The following SH3BGRL variants were observed in gnomAD, a reference collection of about 807,000 sequenced individuals.
The protein encoded by SH3BGRL is adapter SH3BGRL.
SH3BGRL carries 7 observed loss-of-function variants against 9.8 expected under a neutral mutation model. The observed-to-expected ratio is 0.72, with a 90% CI of 0.41 to 1.35. The LOEUF (loss-of-function observed/expected upper bound fraction) is 1.35, where lower values mean the gene tolerates loss of function less well. SH3BGRL is among the 40% of genes most tolerant of loss of function. The probability of loss-of-function intolerance (pLI) is 0.01; values close to 1 mark genes in which losing one functional copy is unlikely to be tolerated. For synonymous variants in SH3BGRL, 36 were observed against 29.1 expected, an observed-to-expected ratio of 1.24 and a Z score of -0.76; for missense variants, 73 against 84.4, an observed-to-expected ratio of 0.86 and a Z score of 0.53.
intron 1 of SH3BGRL, among the ~76,000 whole-genome samples, chrX:81,261,337 C>T: frequency 9.0e-6 from 1 of 111,277 alleles, no homozygotes; most frequent in East Asian, 2.8e-4. Context: ...ATGCAAAGTG[C>T]CTGCTATAGC....
At chrX:81,232,368 C>G (rs1306310735) in intron 1 of SH3BGRL, among the ~76,000 whole-genome samples, 1 of 106,585 alleles carries the variant, frequency 9.4e-6, no homozygotes, top group African/African-American at 3.5e-5. Flanking sequence ...AGTAACGGTT[C>G]AATAAATAAA....
intron 1 of SH3BGRL, among the ~76,000 whole-genome samples, chrX:81,221,643 T>C (rs1417639142): frequency 9.0e-6 from 1 of 111,665 alleles, no homozygotes; most frequent in East Asian, 2.8e-4. Context: ...TAAGAATCCA[T>C]TTGGGCCCTG....
At chrX:81,207,688 C>T (rs2075551457) in intron 1 of SH3BGRL, among the ~76,000 whole-genome samples, 1 of 112,169 alleles carries the variant, frequency 8.9e-6, no homozygotes, top group Non-Finnish European at 1.9e-5. Context: ...AAATTAGAAA[C>T]TGTTCACCAA....
chrX:81,221,876 T>C (rs1466529309), intron 1 of SH3BGRL, among the ~76,000 whole-genome samples: 1 of 112,293 alleles, frequency 8.9e-6, no homozygotes, highest in Non-Finnish European at 1.9e-5. Flanking sequence ...GTATAGAAAT[T>C]GACTTTTAGT....
intron 1 of SH3BGRL, among the ~76,000 whole-genome samples, chrX:81,245,233 A>C (rs1177994988): frequency 1.8e-5 from 2 of 111,727 alleles, no homozygotes; most frequent in Non-Finnish European, 3.8e-5. Context: ...ACTTAAAAGT[A>C]TTTATTGAGT....
chrX:81,236,812 A>G (rs5959857), intron 1 of SH3BGRL, among the ~76,000 whole-genome samples: 19,253 of 109,774 alleles, frequency 0.18, 1,644 homozygotes, highest in East Asian at 0.68. Flanking sequence ...ACAGGATTCT[A>G]GAAGAAAAGA....
chrX:81,244,221 AG>A (rs1352845542), intron 1 of SH3BGRL, among the ~76,000 whole-genome samples: 1 of 111,702 alleles, frequency 9.0e-6, no homozygotes, highest in African/African-American at 3.3e-5. Flanking sequence ...TCCAAGAAAA[AG>A]GAGTGCTGGG....
intron 1 of SH3BGRL, among the ~76,000 whole-genome samples, chrX:81,216,964 G>A (rs1328283740): frequency 9.1e-6 from 1 of 109,842 alleles, no homozygotes; most frequent in Non-Finnish European, 1.9e-5. Flanking sequence ...CAGCAGTAGG[G>A]TGGCTGGATC....
chrX:81,237,458 A>G (rs1326148473), intron 1 of SH3BGRL, among the ~76,000 whole-genome samples: 1 of 111,702 alleles, frequency 9.0e-6, no homozygotes, highest in African/African-American at 3.3e-5. Context: ...CAATTGTGAG[A>G]CATTCAACTC....
chrX:81,275,738 G>A (rs1354947470), intron 1 of SH3BGRL, among the ~76,000 whole-genome samples: 1 of 111,516 alleles, frequency 9.0e-6, no homozygotes, highest in East Asian at 2.8e-4. Context: ...CTTTAAAGAG[G>A]GACATTCAGT....
intron 1 of SH3BGRL, among the ~76,000 whole-genome samples, chrX:81,259,523 C>T (rs961444267): frequency 9.0e-6 from 1 of 111,636 alleles, no homozygotes; most frequent in Non-Finnish European, 1.9e-5. Flanking sequence ...GAAGTGGAAG[C>T]TGGAATGAAC....
intron 3 of SH3BGRL, among the ~76,000 whole-genome samples, chrX:81,291,783 A>C (rs2075858786): frequency 8.9e-6 from 1 of 112,193 alleles, no homozygotes; most frequent in Non-Finnish European, 1.9e-5. Flanking sequence ...CCTATTACAA[A>C]AGGGGGAAAT....
chrX:81,216,310 C>T (rs1196632025), intron 1 of SH3BGRL, among the ~76,000 whole-genome samples: 2 of 110,383 alleles, frequency 1.8e-5, no homozygotes, highest in African/African-American at 6.6e-5. Context: ...AATTTTTGTG[C>T]GTACAGAGTA....
intron 1 of SH3BGRL, among the ~76,000 whole-genome samples, chrX:81,215,701 T>C (rs1300562270): frequency 9.0e-6 from 1 of 111,391 alleles, no homozygotes; most frequent in African/African-American, 3.3e-5. Context: ...CTGCCTACCC[T>C]TTCCAGTCCC....
chrX:81,282,883 G>A (rs183946096), intron 3 of SH3BGRL, among the ~76,000 whole-genome samples: 122 of 111,949 alleles, frequency 1.1e-3, no homozygotes, highest in Non-Finnish European at 2.1e-3. Context: ...GAAACAAAAA[G>A]CTGGTTCTTT....
chrX:81,219,079 A>G (rs190317975), intron 1 of SH3BGRL, among the ~76,000 whole-genome samples: 413 of 110,019 alleles, frequency 3.8e-3, no homozygotes, highest in Non-Finnish European at 6.5e-3. Flanking sequence ...GCCTTGCTAG[A>G]GATCTAGACA....
intron 1 of SH3BGRL, among the ~76,000 whole-genome samples, chrX:81,208,483 T>C (rs2075554134): frequency 1.8e-5 from 2 of 112,084 alleles, no homozygotes; most frequent in Admixed American, 1.9e-4. Context: ...ATTAACCAAG[T>C]ATCATTTACA....
intron 1 of SH3BGRL, among the ~76,000 whole-genome samples, chrX:81,211,744 G>A (rs1358121831): frequency 1.8e-5 from 2 of 111,482 alleles, no homozygotes; most frequent in East Asian, 2.8e-4. Flanking sequence ...CGTGCTGGAC[G>A]CTTCCTGCCT....
chrX:81,204,377 C>T (rs769880938), intron 1 of SH3BGRL, among the ~76,000 whole-genome samples: 23 of 111,646 alleles, frequency 2.1e-4, no homozygotes, highest in Non-Finnish European at 3.8e-4. Flanking sequence ...TTTCAGTTTG[C>T]TGTACTAAAG....
Sources: allele counts gnomAD v4.1 joint callset (sites outside exome capture counted in the v4.1 genomes callset), GRCh38; gene constraint gnomAD v4.1.1; transcripts MANE v1.5; gene names NCBI Gene and HGNC (gene_info 2026-07-23, HGNC 2026-07-21).